The following IRGM variants were observed in gnomAD, a reference collection of about 807,000 sequenced individuals.
The protein encoded by IRGM is immunity-related GTPase family M protein.
For synonymous variants in IRGM, 98 were observed against 80.6 expected (o/e 1.22, Z -1.16); for missense variants, 288 against 219.9 (o/e 1.31, Z -1.96).
At chr5:150,873,833 A>G (rs1175908659) in intron 1 of IRGM, among the ~76,000 whole-genome samples, 1 of 152,188 alleles carries the variant, frequency 6.6e-6, no homozygotes, top group Non-Finnish European at 1.5e-5. Flanking sequence ...AAAATAGTAA[A>G]TCAAAAACAA....
At chr5:150,852,967 G>T (rs1753997113), downstream of IRGM, among the ~76,000 whole-genome samples, 1 of 151,888 alleles carries the variant, frequency 6.6e-6, no homozygotes, top group South Asian at 2.1e-4. Flanking sequence ...CATATCTTTT[G>T]TTATTTTATT....
chr5:150,882,729 A>G (rs998194901), intron 3 of IRGM, among the ~76,000 whole-genome samples: 11 of 152,204 alleles, frequency 7.2e-5, no homozygotes, highest in Admixed American at 3.9e-4. Flanking sequence ...AGCAAATATG[A>G]ATAGATCTGA....
chr5:150,866,376 C>T (rs1053409385), intron 1 of IRGM, among the ~76,000 whole-genome samples: 1 of 152,186 alleles, frequency 6.6e-6, no homozygotes. Context: ...ATGGCACTGG[C>T]ATACTCTAAT....
At chr5:150,892,717 T>G (rs78849458) in intron 3 of IRGM, among the ~76,000 whole-genome samples, 5,839 of 152,140 alleles carry the variant, frequency 0.038, 178 homozygotes, top group East Asian at 0.16. Flanking sequence ...CTGCCCTTTA[T>G]TCCCAGTTTA....
At chr5:150,898,571 C>T (rs1754882629) in intron 3 of IRGM, 1 of 1,569,104 alleles carries the variant, frequency 6.4e-7, no homozygotes, top group African/African-American at 1.4e-5. Context: ...TAGTAAATTC[C>T]TGTTCAATCT....
At chr5:150,856,914 T>TTCATTA (rs150421228) in intron 1 of IRGM, among the ~76,000 whole-genome samples, 2 of 144,578 alleles carry the variant, frequency 1.4e-5, no homozygotes, top group East Asian at 3.9e-4. Flanking sequence ...TAAATAAATA[T>TTCATTA]TTATTATTTA....
chr5:150,891,511 T>C (rs886198137), intron 3 of IRGM, among the ~76,000 whole-genome samples: 7 of 152,150 alleles, frequency 4.6e-5, no homozygotes, highest in Admixed American at 1.3e-4. Context: ...TTGGATTATT[T>C]GTTATGATTA....
At chr5:150,898,032 TA>T (rs1346699433) in intron 3 of IRGM, 1 of 1,599,766 alleles carries the variant, frequency 6.3e-7, no homozygotes, top group South Asian at 1.1e-5. Flanking sequence ...ACCAATCAAT[TA>T]AAAAAACATA....
chr5:150,878,875 G>A (rs1188775182), intron 2 of IRGM, among the ~76,000 whole-genome samples: 1 of 151,972 alleles, frequency 6.6e-6, no homozygotes, highest in Non-Finnish European at 1.5e-5. Context: ...TGCAATGTGG[G>A]TATACCTGTT....
chr5:150,896,345 A>G (rs1330823603), intron 3 of IRGM: 4 of 1,613,634 alleles, frequency 2.5e-6, no homozygotes, highest in Non-Finnish European at 3.4e-6. Context: ...ATGCACCACA[A>G]TCATATGGTT....
chr5:150,868,428 T>C (rs1422061740), intron 1 of IRGM, among the ~76,000 whole-genome samples: 2 of 152,190 alleles, frequency 1.3e-5, no homozygotes, highest in African/African-American at 4.8e-5. Context: ...TTTGTTCTTT[T>C]TGCTTAGTAT....
intron 3 of IRGM, among the ~76,000 whole-genome samples, chr5:150,899,180 C>A (rs1052416169): frequency 1.3e-5 from 2 of 152,034 alleles, no homozygotes; most frequent in African/African-American, 4.8e-5. Context: ...GGACTTCTAG[C>A]CTCCAGAACT....
chr5:150,880,321 G>A (rs1754426032), intron 3 of IRGM, among the ~76,000 whole-genome samples: 1 of 152,104 alleles, frequency 6.6e-6, no homozygotes, highest in East Asian at 1.9e-4. Flanking sequence ...AAGTGTCTGT[G>A]GGTATATCTG....
At chr5:150,877,892 G>A (rs957209314) in intron 1 of IRGM, 5 of 417,636 alleles carry the variant, frequency 1.2e-5, no homozygotes, top group African/African-American at 6.3e-5. Context: ...AAGATTTCAG[G>A]TCATTGAATT....
downstream of IRGM, among the ~76,000 whole-genome samples, chr5:150,849,946 G>A (rs1482952534): frequency 6.6e-6 from 1 of 152,058 alleles, no homozygotes; most frequent in Admixed American, 6.5e-5. Flanking sequence ...TAAGGATACA[G>A]AAACTATGCA....
intron 1 of IRGM, among the ~76,000 whole-genome samples, chr5:150,874,280 T>C (rs1277464): frequency 0.69 from 104,796 of 152,068 alleles, 37,675 homozygotes; most frequent in African/African-American, 0.9. Context: ...CAAACTGGTC[T>C]GTTACATTGA....
chr5:150,891,667 T>A (rs183153415), intron 3 of IRGM, among the ~76,000 whole-genome samples: 2 of 152,236 alleles, frequency 1.3e-5, no homozygotes, highest in Admixed American at 6.6e-5. Context: ...AATATGAACA[T>A]GACCATGTTT....
exon 2 of IRGM, chr5:150,878,032 G>A (rs777974880): frequency 2.2e-6 from 1 of 458,872 alleles, no homozygotes; most frequent in South Asian, 1.5e-5. Flanking sequence ...CCTCTTGCTT[G>A]CTGAAAGGAT....
chr5:150,891,509 T>C (rs1464071324), intron 3 of IRGM, among the ~76,000 whole-genome samples: 1 of 152,152 alleles, frequency 6.6e-6, no homozygotes, highest in East Asian at 1.9e-4. Flanking sequence ...TTTTGGATTA[T>C]TTGTTATGAT....
Sources: allele counts gnomAD v4.1 joint callset (sites outside exome capture counted in the v4.1 genomes callset), GRCh38; gene constraint gnomAD v4.1.1; transcripts MANE v1.5; gene names NCBI Gene and HGNC (gene_info 2026-07-23, HGNC 2026-07-21).